The following CMYA5 variants were observed in gnomAD, a reference collection of about 807,000 sequenced individuals.
The protein encoded by CMYA5 is cardiomyopathy-associated protein 5.
Under a neutral mutation model 318.9 loss-of-function variants are expected in CMYA5, and 246 were observed. The observed-to-expected ratio is 0.77, with a 90% confidence interval of 0.70 to 0.86. The LOEUF is 0.86. CMYA5 is among the 40% of genes least tolerant of loss of function. The pLI is 0.00. For synonymous variants in CMYA5, 1,641 were observed against 1,729.5 expected (o/e 0.95, Z 1.27); for missense variants, 4,589 against 4,678.2 (o/e 0.98, Z 0.56).
rs1176780601 is a variant in CMYA5, at chr5:79,734,021, A to G, written c.5256A>G (p.Ser1752=). Residue 1752 remains serine (S), a synonymous_variant, in exon 2 of 13, where the codon TCA becomes TCG. Coordinates refer to ENST00000446378, the MANE Select transcript of CMYA5 (RefSeq NM_153610.5). ...QPFTFSLKGL[S]EEVSHPADFK... is the part of the protein sequence containing the mutation. The stretch of plus-strand genomic sequence containing the variant: ...TTACTTTTTCTTTAAAAGGATTATC[A>G]GAGGAGGTTAGCCATCCAGCCGACT... 1 of 1,613,704 alleles carries G rather than the reference A, an allele frequency of 6.2e-7. No homozygotes were observed. The highest frequency in any genetic ancestry group is 8.5e-7 in the Non-Finnish European group (1 of 1,179,862).
rs892253810 is a variant in CMYA5, at chr5:79,736,761, A to G, written c.7996A>G (p.Met2666Val). 8.7e-6 allele frequency: 14 copies of G among 1,613,320 alleles called. No homozygotes were observed. In the African/African-American group the frequency reaches 1.7e-4, roughly 20 times the overall value. The change falls in exon 2 of 13, where the codon ATG (methionine) becomes GTG (valine). Residue 2666 changes from methionine (M) to valine (V), a missense_variant. Met to Val is a conservative substitution (Grantham distance 21). Around this residue, in one of 3 missense-constraint regions of CMYA5, gnomAD observed 2,431 missense variants for 2,495.1 expected, o/e 0.97. Transcript: ENST00000446378. Reference protein sequence around the residue: ...NLVLEKSSRDMPDHSEEKEQF... With the variant: ...NLVLEKSSRDVPDHSEEKEQF... ...AGTATTAGAAAAGTCAAGCAGAGAT[A>G]TGCCAGATCACAGTGAAGAAAAAGA...
intron 9 of CMYA5, among the ~76,000 whole-genome samples, chr5:79,785,064 A>C (rs1400200738): frequency 2.0e-5 from 3 of 151,822 alleles, no homozygotes; most frequent in Non-Finnish European, 4.4e-5. Context: ...CCATCAGGAA[A>C]ACCCATCATT....
At chr5:79,748,631 C>T (rs1828376235) in intron 5 of CMYA5, among the ~76,000 whole-genome samples, 1 of 152,130 alleles carries the variant, frequency 6.6e-6, no homozygotes, top group Admixed American at 6.6e-5. Flanking sequence ...CAACCTCCAC[C>T]TCCCGGGTTT....
rs370803038 is a variant in CMYA5, at chr5:79,732,021, A to G, written c.3256A>G (p.Lys1086Glu). Residue 1086 changes from lysine to glutamate, a missense_variant, in exon 2 of 13, where the codon AAA becomes GAA. Around this residue, in one of 3 missense-constraint regions of CMYA5, gnomAD observed 2,132 missense variants for 2,131.3 expected, o/e 1.00. Coordinates refer to ENST00000446378, the MANE Select transcript of CMYA5 (RefSeq NM_153610.5). ...EDLSLPPSTD[K>E]SEKAEIKPEI... The stretch of plus-strand genomic sequence containing the variant: ...CTTAAGTCTGCCGCCTTCAACAGAT[A>G]AATCAGAGAAAGCAGAAATTAAGCC... 1.2e-6 allele frequency: 2 copies of G among 1,613,844 alleles called. No individual in the cohort carries two copies. Among genetic ancestry groups the G allele is most frequent in the Non-Finnish European group, 1.7e-6 (2 of 1,179,872 alleles).
Position 79,723,162 on chromosome 5 carries a change from C to T in CMYA5, c.150-5753C>T, listed in dbSNP as rs114258055. Among the ~76,000 whole-genome samples the T allele has an allele frequency of 6.8e-3, 1,042 of 152,120 alleles. 11 individuals carry two copies. The highest frequency in any genetic ancestry group is 0.024 in the African/African-American group (984 of 41,494). ...TTATAGAAAAGGAAATTACATAGGCCGGGTGCAGTGGCTCACGCCTGTAAT... is the reference window on the plus strand; with the variant it reads ...TTATAGAAAAGGAAATTACATAGGCTGGGTGCAGTGGCTCACGCCTGTAAT... On this transcript the variant is annotated intron_variant, in intron 1 of 12. Transcript: ENST00000446378.
At chr5:79,750,430 T>C (rs1361239500) in intron 5 of CMYA5, among the ~76,000 whole-genome samples, 1 of 152,202 alleles carries the variant, frequency 6.6e-6, no homozygotes. Context: ...AGCAGACTAT[T>C]AGTAGCTAAG....
Position 79,732,213 on chromosome 5 carries a change from C to A in CMYA5, c.3448C>A (p.Pro1150Thr), listed in dbSNP as rs755008335. ...REASSSVAAI[P>T]AALPAQSSIV... ...GGCAAGTTCATCAGTAGCTGCAATACCTGCTGCTTTACCTGCACAATCATC... is the reference window on the plus strand; with the variant it reads ...GGCAAGTTCATCAGTAGCTGCAATAACTGCTGCTTTACCTGCACAATCATC... The change falls in exon 2 of 13, where the codon CCT becomes ACT. Residue 1150 changes from proline (P) to threonine (T), a missense_variant. This residue lies in a region of CMYA5 where 2,132 missense variants were observed against 2,131.3 expected (regional missense o/e 1.00). Transcript: ENST00000446378. 6.2e-7 allele frequency: 1 copy of A among 1,613,722 alleles called. No homozygotes were observed. The highest frequency in any genetic ancestry group is 1.7e-5 in the Admixed American group (1 of 59,958).
Position 79,729,358 on chromosome 5 carries a change from C to T in CMYA5, c.593C>T (p.Thr198Ile), listed in dbSNP as rs1208431452. 1.9e-6 allele frequency: 3 copies of T among 1,613,558 alleles called. No homozygotes were observed. In the Admixed American group the frequency reaches 5.0e-5, roughly 27 times the overall value. The part of the protein sequence containing the change: ...IYDKARKKKT[T>I]SNTPPITGAI... Reference sequence around the variant, plus strand: ...GATAAAGCAAGAAAAAAGAAGACCACTTCAAATACACCTCCGATTACTGGG... The same window carrying T: ...GATAAAGCAAGAAAAAAGAAGACCATTTCAAATACACCTCCGATTACTGGG... The change falls in exon 2 of 13, where the codon ACT (threonine) becomes ATT (isoleucine). Residue 198 changes from threonine (T) to isoleucine (I), a missense_variant. Thr to Ile is a moderately conservative substitution (Grantham distance 89, BLOSUM62 -1). This residue lies in a region of CMYA5 where 2,132 missense variants were observed against 2,131.3 expected (regional missense o/e 1.00). Transcript: ENST00000446378.
At position 79,728,974 on chromosome 5, in the gene CMYA5, C is replaced by G; in HGVS notation, c.209C>G (p.Ser70Cys). 1.2e-6 allele frequency: 2 copies of G among 1,613,552 alleles called. No individual in the cohort carries two copies. Among genetic ancestry groups the G allele is most frequent in the Non-Finnish European group, 1.7e-6 (2 of 1,179,650 alleles). The change falls in exon 2 of 13, where the codon TCC (serine) becomes TGC (cysteine). Residue 70 changes from serine to cysteine, a missense_variant. Transcript: ENST00000446378. ...CAGGAGTATATCATATCTGACCCCT[C>G]CTTTTCCATGGTGACAGTCCAAAGG... The part of the protein sequence containing the change: ...IKQEYIISDP[S>C]FSMVTVQRED...
chr5:79,793,824 G>A (rs1416669240), intron 12 of CMYA5, among the ~76,000 whole-genome samples: 1 of 152,072 alleles, frequency 6.6e-6, no homozygotes, highest in East Asian at 1.9e-4. Flanking sequence ...ACCTGAAGAG[G>A]GTTTCTTATA....
Position 79,731,702 on chromosome 5 carries a change from A to T in CMYA5, c.2937A>T (p.Thr979=). 6.2e-7 allele frequency: 1 copy of T among 1,613,978 alleles called. No homozygotes were observed. Among genetic ancestry groups the T allele is most frequent in the Non-Finnish European group, 8.5e-7 (1 of 1,179,880 alleles). Residue 979 remains threonine (T), a synonymous_variant, in exon 2 of 13, where the codon ACA becomes ACT. Coordinates refer to ENST00000446378, the MANE Select transcript of CMYA5 (RefSeq NM_153610.5). ...AGTGCGATTCTCCAATATGTTTAAC[A>T]TCACCATCTGAGCACACTATTTTGT... ...EFECDSPICL[T]SPSEHTILSD...
chr5:79,744,139 C>T (rs138471931), intron 3 of CMYA5, among the ~76,000 whole-genome samples: 9 of 152,282 alleles, frequency 5.9e-5, no homozygotes, highest in African/African-American at 1.2e-4. Context: ...TTGCCGGTAA[C>T]GACAGACATG....
At chr5:79,785,504 A>C (rs1031165876) in intron 9 of CMYA5, among the ~76,000 whole-genome samples, 2 of 151,732 alleles carry the variant, frequency 1.3e-5, no homozygotes, top group Non-Finnish European at 2.9e-5. Flanking sequence ...CTTTATATAG[A>C]TCTTATATCT....
intron 2 of CMYA5, among the ~76,000 whole-genome samples, chr5:79,739,665 AACAC>A (rs368541481): frequency 2.0e-5 from 3 of 150,000 alleles, no homozygotes; most frequent in East Asian, 1.9e-4. Context: ...ATCCAGGAAA[AACAC>A]ACACACACAC....
intron 9 of CMYA5, among the ~76,000 whole-genome samples, chr5:79,769,879 A>C (rs970693392): frequency 6.6e-6 from 1 of 152,126 alleles, no homozygotes; most frequent in Non-Finnish European, 1.5e-5. Context: ...TGGAACGTTT[A>C]AGTCTGCTGA....
chr5:79,769,471 G>A (rs1828816178), intron 9 of CMYA5, among the ~76,000 whole-genome samples: 1 of 152,108 alleles, frequency 6.6e-6, no homozygotes, highest in Non-Finnish European at 1.5e-5. Flanking sequence ...GTGACCTTCA[G>A]ATGGGGTTTC....
At chr5:79,693,750 A>T (rs1827015975) in intron 1 of CMYA5, among the ~76,000 whole-genome samples, 1 of 152,230 alleles carries the variant, frequency 6.6e-6, no homozygotes, top group Non-Finnish European at 1.5e-5. Context: ...GAACTCCTAC[A>T]ATGTGCCAGA....
chr5:79,799,871 A>ACCGC lies in CMYA5; in HGVS notation c.*255_*256insCCGC. 8 of 186,852 alleles carry ACCGC rather than the reference A, an allele frequency of 4.3e-5. No individual in the cohort carries two copies. Among genetic ancestry groups the ACCGC allele is most frequent in the South Asian group, 2.6e-4 (2 of 7,608 alleles). The allele number at this position is 186,852 out of a possible 1,614,324, so 11.6% of individuals were successfully genotyped here. A position where few individuals can be genotyped will look rare whatever the true frequency, so the allele number is the denominator to read the frequency against. The stretch of plus-strand genomic sequence containing the variant: ...ATAAGTTTGAGTTCTTTCCTAAATT[A>ACCGC]AAAGATCTACACTTGAGTTGGGAAC... On this transcript the variant is annotated 3_prime_UTR_variant, in exon 13 of 13. Coordinates refer to ENST00000446378, the MANE Select transcript of CMYA5 (RefSeq NM_153610.5).
chr5:79,698,165 C>T (rs866474040), intron 1 of CMYA5, among the ~76,000 whole-genome samples: 17 of 151,748 alleles, frequency 1.1e-4, no homozygotes, highest in African/African-American at 4.1e-4. Context: ...TTATTTTTTC[C>T]AAGAGGACAT....
Sources: allele counts gnomAD v4.1 joint callset (sites outside exome capture counted in the v4.1 genomes callset), GRCh38; gene constraint gnomAD v4.1.1; regional missense constraint gnomAD v4.1.1; transcripts MANE v1.5; gene names NCBI Gene and HGNC (gene_info 2026-07-23, HGNC 2026-07-21).